The following PALD1 variants were observed in gnomAD, a reference collection of about 807,000 sequenced individuals.
PALD1 encodes paladin.
Under a neutral mutation model 96.0 loss-of-function variants are expected in PALD1, and 57 were observed. That is an observed-to-expected ratio of 0.59 (90% confidence interval 0.48 to 0.74). The LOEUF (loss-of-function observed/expected upper bound fraction) is 0.74. PALD1 is among the 30% of genes least tolerant of loss of function. PALD1 has a pLI of 0.00. For synonymous variants in PALD1, 464 were observed against 473.6 expected (o/e 0.98, Z 0.26); for missense variants, 1,063 against 1,143.7 (o/e 0.93, Z 1.02).
Position 70,547,286 on chromosome 10 carries a change from C to T in PALD1, c.2122-20C>T. 10 of 1,611,002 alleles carry T rather than the reference C, an allele frequency of 6.2e-6. No individual in the cohort carries two copies. The highest frequency in any genetic ancestry group is 8.5e-6 in the Non-Finnish European group (10 of 1,177,500). ...CTCTTACCAGTTTTATGTCTGCTCA[C>T]CCCCCTTCTCTGGCCCCAGGTAGTA... On this transcript the variant is annotated intron_variant, in intron 17 of 19. Coordinates refer to ENST00000263563, the MANE Select transcript of PALD1 (RefSeq NM_014431.3).
At chr10:70,505,363 A>G (rs568269596) in intron 1 of PALD1, among the ~76,000 whole-genome samples, 83 of 152,234 alleles carry the variant, frequency 5.5e-4, no homozygotes, top group Admixed American at 1.3e-3. Context: ...TGGGAGGCCG[A>G]GGGAGGCGGA....
intron 4 of PALD1, among the ~76,000 whole-genome samples, chr10:70,530,693 C>T (rs7475451): frequency 0.18 from 28,024 of 152,024 alleles, 2,983 homozygotes; most frequent in East Asian, 0.29. Flanking sequence ...GAATTGACCC[C>T]GGAGTTAAGG....
chr10:70,565,368 A>C (rs561181818), intron 19 of PALD1, among the ~76,000 whole-genome samples: 3 of 152,286 alleles, frequency 2.0e-5, no homozygotes, highest in Admixed American at 1.3e-4. Context: ...AGGTCAGAAG[A>C]GAGGCCTCCT....
At chr10:70,471,886 G>A in the PALD1 span, among the ~76,000 whole-genome samples, 1 of 152,226 alleles carries the variant, frequency 6.6e-6, no homozygotes, top group East Asian at 1.9e-4. Context: ...GCCAGTGAGG[G>A]TTGGCACTGA....
At chr10:70,492,448 C>CCTT (rs1846114696) in intron 1 of PALD1, among the ~76,000 whole-genome samples, 2 of 80,158 alleles carry the variant, frequency 2.5e-5, no homozygotes, top group South Asian at 8.9e-4. Context: ...GCATTTTTGA[C>CCTT]TTTTTTTTTT....
intron 1 of PALD1, among the ~76,000 whole-genome samples, chr10:70,484,792 G>A (rs2132258507): frequency 6.6e-6 from 1 of 152,144 alleles, no homozygotes; most frequent in East Asian, 1.9e-4. Context: ...GCCCGCCTCG[G>A]CCTCCCAAAG....
chr10:70,506,399 C>T (rs759708430), intron 1 of PALD1, among the ~76,000 whole-genome samples: 1 of 152,180 alleles, frequency 6.6e-6, no homozygotes, highest in African/African-American at 2.4e-5. Flanking sequence ...CTGTTGACCT[C>T]TGGACCCCTG....
chr10:70,464,940 TGTATGTATGTATG>T, the PALD1 span, among the ~76,000 whole-genome samples: 4 of 76,886 alleles, frequency 5.2e-5, no homozygotes, highest in African/African-American at 3.4e-4. Context: ...TATGTACACT[TGTATGTATGTATG>T]TATGTATGTA....
chr10:70,470,692 T>G, the PALD1 span, among the ~76,000 whole-genome samples: 1 of 151,578 alleles, frequency 6.6e-6, no homozygotes, highest in South Asian at 2.1e-4. Context: ...CACTGCAACT[T>G]CTGCCTCCTG....
rs572394426 is a variant in PALD1, at chr10:70,540,053, A to C, written c.1908+291A>C. ...TACGTATGTGCATATGTGTTATAAG[A>C]TGTGTGTACATGTGTTTATTATGTT... On this transcript the variant is annotated intron_variant, in intron 15 of 19. Coordinates refer to ENST00000263563, the MANE Select transcript of PALD1 (RefSeq NM_014431.3). This position sits in a 1 kb window ranked among gnomAD's most constrained non-coding sequence, Gnocchi z 4.2. 1.1e-3 allele frequency among the ~76,000 whole-genome samples: 160 copies of C among 151,688 alleles called. 5 individuals carry two copies. Among genetic ancestry groups the C allele is most frequent in the Admixed American group, 9.5e-3 (145 of 15,254 alleles).
At position 70,568,203 on chromosome 10, in the gene PALD1, G is replaced by C. The variant is rs1208409892; in HGVS notation, c.*1470G>C. 1 of 152,678 alleles carries C rather than the reference G, an allele frequency of 6.5e-6. No homozygotes were observed. The highest frequency in any genetic ancestry group is 2.4e-5 in the African/African-American group (1 of 41,418). The allele number at this position is 152,678 out of a possible 1,614,324, so 9.5% of individuals were successfully genotyped here. On this transcript the variant is annotated 3_prime_UTR_variant, in exon 20 of 20. Coordinates refer to ENST00000263563, the MANE Select transcript of PALD1 (RefSeq NM_014431.3). ...GACGTTTTAATTTCTTTGCAGACAAGGTCTAGATGCGGAGTCAGAGATGGG... is the reference window on the plus strand; with the variant it reads ...GACGTTTTAATTTCTTTGCAGACAACGTCTAGATGCGGAGTCAGAGATGGG...
chr10:70,467,532 C>T, the PALD1 span, among the ~76,000 whole-genome samples: 2 of 152,098 alleles, frequency 1.3e-5, no homozygotes, highest in African/African-American at 4.8e-5. Context: ...CCGCACAGTT[C>T]GCGGGGAAGC....
intron 1 of PALD1, among the ~76,000 whole-genome samples, chr10:70,524,422 A>G (rs1390341928): frequency 1.3e-5 from 2 of 151,938 alleles, no homozygotes; most frequent in African/African-American, 4.8e-5. Flanking sequence ...CTCCTTCCCC[A>G]TCCCTTGACC....
intron 1 of PALD1, among the ~76,000 whole-genome samples, chr10:70,499,432 C>T (rs186735698): frequency 5.9e-5 from 9 of 152,274 alleles, no homozygotes; most frequent in Admixed American, 2.6e-4. Context: ...GCGGGAGTGT[C>T]TGCAGGGAGG....
the PALD1 span, among the ~76,000 whole-genome samples, chr10:70,467,322 G>T: frequency 6.6e-6 from 1 of 151,884 alleles, no homozygotes; most frequent in East Asian, 1.9e-4. Context: ...AAGCCTGGGG[G>T]TGGGGGTATG....
chr10:70,477,839 G>A (rs905048999), upstream of PALD1, among the ~76,000 whole-genome samples: 4 of 152,222 alleles, frequency 2.6e-5, no homozygotes, highest in African/African-American at 9.6e-5. Flanking sequence ...GAGAAAAAAG[G>A]ATTTCCCGAG....
chr10:70,488,848 G>A (rs1374852035), intron 1 of PALD1, among the ~76,000 whole-genome samples: 2 of 150,960 alleles, frequency 1.3e-5, no homozygotes, highest in East Asian at 1.9e-4. Context: ...GTCGTGACCC[G>A]TCCCTGGGGT....
At chr10:70,524,411 A>T (rs1589194500) in intron 1 of PALD1, among the ~76,000 whole-genome samples, 1 of 151,032 alleles carries the variant, frequency 6.6e-6, no homozygotes. Flanking sequence ...CCCCTGAGCC[A>T]CTCCTTCCCC....
At chr10:70,552,668 G>C (rs1161815450) in intron 18 of PALD1, among the ~76,000 whole-genome samples, 1 of 152,096 alleles carries the variant, frequency 6.6e-6, no homozygotes, top group East Asian at 1.9e-4. Flanking sequence ...ATTTCAGTAC[G>C]TACCTCTAAA....
Sources: gnomAD v4.1 joint callset for allele counts (sites outside exome capture counted in the v4.1 genomes callset) on GRCh38, gnomAD v4.1.1 for gene constraint, Gnocchi (gnomAD v3.1) non-coding constraint, MANE v1.5 for transcripts, NCBI Gene and HGNC (gene_info 2026-07-23, HGNC 2026-07-21) for gene names.